The following HMBOX1 variants were observed in gnomAD, a reference collection of about 807,000 sequenced individuals.
The protein encoded by HMBOX1 is homeobox-containing protein 1.
In HMBOX1, 14 loss-of-function variants were observed where a neutral mutation model predicts 54.5. The ratio of observed to expected loss-of-function variants is 0.26; its 90% CI spans 0.17 to 0.40. HMBOX1 has a LOEUF of 0.40. HMBOX1 is among the 10% of genes least tolerant of loss of function. HMBOX1 has a pLI of 1.00. For synonymous variants in HMBOX1, 160 were observed against 181.0 expected (o/e 0.88, Z 0.93); for missense variants, 332 against 514.4 (o/e 0.65, Z 3.43).
intron 1 of HMBOX1, among the ~76,000 whole-genome samples, chr8:28,962,795 AT>A (rs1038090445): frequency 8.6e-5 from 13 of 151,838 alleles, no homozygotes; most frequent in Non-Finnish European, 2.9e-5. Flanking sequence ...TAAACGTTGT[AT>A]TTTTGGTCTT....
At chr8:28,968,416 T>C (rs957982147) in intron 2 of HMBOX1, among the ~76,000 whole-genome samples, 2 of 152,362 alleles carry the variant, frequency 1.3e-5, no homozygotes, top group Middle Eastern at 3.4e-3. Flanking sequence ...ATGTGTGCTT[T>C]TGGAGTCAAT....
chr8:28,987,688 C>T (rs1348587708), intron 4 of HMBOX1, among the ~76,000 whole-genome samples: 3 of 152,090 alleles, frequency 2.0e-5, no homozygotes, highest in Non-Finnish European at 4.4e-5. Context: ...GAAGATGTAA[C>T]ACTATATTTA....
chr8:28,977,972 A>T lies in HMBOX1; in HGVS notation c.501-2099A>T, dbSNP rs536401624. ...AAAAAAAAAAAAGAAAGAAAGAAAG[A>T]AATATTTCAAATATAGACAGTCATT... On this transcript the variant is annotated intron_variant, in intron 3 of 9. Transcript: ENST00000287701. 5.9e-5 allele frequency among the ~76,000 whole-genome samples: 9 copies of T among 152,196 alleles called. No homozygotes were observed. In the East Asian group the frequency reaches 1.7e-3, roughly 29 times the overall value.
At chr8:28,917,443 G>A (rs1400918518) in intron 1 of HMBOX1, among the ~76,000 whole-genome samples, 1 of 152,078 alleles carries the variant, frequency 6.6e-6, no homozygotes, top group Non-Finnish European at 1.5e-5. Flanking sequence ...TTAGTTTGAA[G>A]AGTTTTTTTT....
At chr8:28,962,804 CT>C (rs932304872) in intron 1 of HMBOX1, among the ~76,000 whole-genome samples, 5 of 150,888 alleles carry the variant, frequency 3.3e-5, no homozygotes, top group African/African-American at 4.9e-5. Context: ...TATTTTTGGT[CT>C]TTTTTTTTGT....
At chr8:29,017,624 G>A (rs1453238079) in intron 5 of HMBOX1, among the ~76,000 whole-genome samples, 1 of 152,208 alleles carries the variant, frequency 6.6e-6, no homozygotes, top group Non-Finnish European at 1.5e-5. Flanking sequence ...TTTGAGCTGA[G>A]TGGTTTGAAG....
chr8:28,942,584 T>C (rs1821637223), intron 1 of HMBOX1, among the ~76,000 whole-genome samples: 1 of 152,200 alleles, frequency 6.6e-6, no homozygotes, highest in African/African-American at 2.4e-5. Context: ...TATATAGTTA[T>C]TTATATTGTT....
intron 6 of HMBOX1, among the ~76,000 whole-genome samples, chr8:29,027,693 C>T (rs1166461072): frequency 6.6e-6 from 1 of 152,128 alleles, no homozygotes; most frequent in African/African-American, 2.4e-5. Context: ...TGTGAGAATA[C>T]CTAGCAGTGA....
intron 1 of HMBOX1, among the ~76,000 whole-genome samples, chr8:28,895,193 T>C (rs1005255579): frequency 1.3e-5 from 2 of 152,234 alleles, no homozygotes; most frequent in East Asian, 3.8e-4. Context: ...TGTCCAGAGA[T>C]GGTCCACATG....
intron 1 of HMBOX1, among the ~76,000 whole-genome samples, chr8:28,932,557 C>T (rs1309963098): frequency 1.3e-5 from 2 of 152,042 alleles, no homozygotes; most frequent in East Asian, 3.9e-4. Context: ...GTATTTCAGT[C>T]GACTTTAATC....
At chr8:29,007,213 C>T (rs1175691171) in intron 4 of HMBOX1, among the ~76,000 whole-genome samples, 3 of 151,630 alleles carry the variant, frequency 2.0e-5, no homozygotes, top group Admixed American at 1.3e-4. Context: ...CGCTTGAACC[C>T]AGGAGGTGGA....
At chr8:28,904,838 A>G (rs1813962103) in intron 1 of HMBOX1, among the ~76,000 whole-genome samples, 1 of 151,722 alleles carries the variant, frequency 6.6e-6, no homozygotes, top group Admixed American at 6.6e-5. Flanking sequence ...ACCACGCCCA[A>G]CTAATTTTTT....
At chr8:28,991,440 G>A (rs557246411) in intron 4 of HMBOX1, among the ~76,000 whole-genome samples, 5 of 152,260 alleles carry the variant, frequency 3.3e-5, no homozygotes, top group South Asian at 4.2e-4. Context: ...TTTGCCGCCT[G>A]TAGTAGTTTT....
chr8:29,009,860 C>T, intron 5 of HMBOX1: 1 of 1,186,980 alleles, frequency 8.4e-7, no homozygotes, highest in Non-Finnish European at 1.1e-6. Flanking sequence ...ATGGGACTAT[C>T]TCAATCTATA....
intron 1 of HMBOX1, among the ~76,000 whole-genome samples, chr8:28,894,606 C>T (rs898702988): frequency 1.3e-5 from 2 of 152,184 alleles, no homozygotes; most frequent in Non-Finnish European, 2.9e-5. Context: ...CCACATTGCC[C>T]TTACTGGATT....
chr8:28,938,281 T>C (rs779863323), intron 1 of HMBOX1, among the ~76,000 whole-genome samples: 1 of 152,202 alleles, frequency 6.6e-6, no homozygotes, highest in Non-Finnish European at 1.5e-5. Context: ...ATAGAATTTG[T>C]TGTGAGTATA....
rs1234041453 is a variant in HMBOX1 at position 29,018,768 on chromosome 8, C to G, written c.706C>G (p.Leu236Val). ...TGTCTTGTTTATTTCAGGCGCTACA[C>G]TAAGTATGAGACCAGCCCCCATTCC... ...QLEKTNPGAT[L>V]SMRPAPIPIE... The change falls in exon 6 of 10, where the codon CTA becomes GTA. Residue 236 changes from leucine to valine, a missense_variant. By Grantham distance (32) the Leu-to-Val change is conservative. Transcript: ENST00000287701. 6.2e-7 allele frequency: 1 copy of G among 1,613,482 alleles called. No homozygotes were observed. The highest frequency in any genetic ancestry group is 1.7e-5 in the Admixed American group (1 of 59,926).
At chr8:29,049,091 AG>A (rs1563649682) in intron 9 of HMBOX1, 43 bp downstream of exon 9, 10 of 1,453,474 alleles carry the variant, frequency 6.9e-6, no homozygotes, top group South Asian at 1.1e-5. Flanking sequence ...GTGCCTGAGC[AG>A]GGGGTATAGT....
intron 8 of HMBOX1, 55 bp from the exon 9 acceptor site, chr8:29,048,899 C>A: frequency 8.6e-7 from 1 of 1,160,498 alleles, no homozygotes; most frequent in South Asian, 1.4e-5. Context: ...TTCAGTGTTT[C>A]AGCCATTGTG....
Sources: gnomAD v4.1 joint callset for allele counts (sites outside exome capture counted in the v4.1 genomes callset) on GRCh38, gnomAD v4.1.1 for gene constraint, MANE v1.5 for transcripts, NCBI Gene and HGNC (gene_info 2026-07-23, HGNC 2026-07-21) for gene names.